The following CNTN5 variants were observed in gnomAD, a reference collection of about 807,000 sequenced individuals.
The protein encoded by CNTN5 is contactin-5.
A neutral mutation model predicts 129.1 loss-of-function variants in CNTN5; 77 were observed. That is an observed-to-expected ratio of 0.60 (90% CI 0.50 to 0.72). The LOEUF is 0.72. Ranked by LOEUF, CNTN5 falls within the 30% of genes least tolerant of loss-of-function variation. The probability of loss-of-function intolerance (pLI) is 0.00; values close to 1 mark genes in which losing one functional copy is unlikely to be tolerated. For synonymous variants in CNTN5, 509 were observed against 465.6 expected (o/e 1.09, Z -1.20); for missense variants, 1,478 against 1,328.8 (o/e 1.11, Z -1.75).
At chr11:99,557,056 A>G (rs1484937620) in intron 3 of CNTN5, among the ~76,000 whole-genome samples, 1 of 151,254 alleles carries the variant, frequency 6.6e-6, no homozygotes, top group Non-Finnish European at 1.5e-5. Context: ...TGTGGGCTAA[A>G]TTTAGGTAGT....
intron 18 of CNTN5, among the ~76,000 whole-genome samples, chr11:100,294,017 A>G (rs551921271): frequency 6.6e-6 from 1 of 151,758 alleles, no homozygotes; most frequent in Admixed American, 6.6e-5. Context: ...TTTGCTATAT[A>G]AACTCCCTCC....
At chr11:99,962,822 G>T (rs1377422784) in intron 8 of CNTN5, among the ~76,000 whole-genome samples, 2 of 151,712 alleles carry the variant, frequency 1.3e-5, no homozygotes, top group South Asian at 4.1e-4. Flanking sequence ...AGCACCTGTT[G>T]TTTCCTGACT....
intron 4 of CNTN5, among the ~76,000 whole-genome samples, chr11:99,842,690 A>C (rs1278929772): frequency 6.6e-6 from 1 of 152,206 alleles, no homozygotes; most frequent in African/African-American, 2.4e-5. Flanking sequence ...GTAATTCTGC[A>C]AGTTAATTCT....
At chr11:99,225,076 A>G (rs894544262) in intron 1 of CNTN5, among the ~76,000 whole-genome samples, 3 of 152,202 alleles carry the variant, frequency 2.0e-5, no homozygotes, top group Non-Finnish European at 4.4e-5. Context: ...TAAAAGTTTT[A>G]TTAGAAATGA....
intron 3 of CNTN5, among the ~76,000 whole-genome samples, chr11:99,761,534 C>T (rs1219045): frequency 0.25 from 37,521 of 150,646 alleles, 5,038 homozygotes; most frequent in Non-Finnish European, 0.32. Flanking sequence ...TTTGTTCTTG[C>T]GATAGTTTAC....
At chr11:100,196,495 T>G (rs1386528773) in intron 15 of CNTN5, among the ~76,000 whole-genome samples, 2 of 152,002 alleles carry the variant, frequency 1.3e-5, no homozygotes, top group Admixed American at 6.6e-5. Flanking sequence ...ATTGTATACA[T>G]CCACATCTAT....
At chr11:99,560,224 G>C (rs1056116530) in intron 3 of CNTN5, among the ~76,000 whole-genome samples, 1 of 151,340 alleles carries the variant, frequency 6.6e-6, no homozygotes, top group Non-Finnish European at 1.5e-5. Context: ...TAGTAGGTCA[G>C]AGGATCTGAG....
chr11:99,858,503 C>T (rs7122373), intron 6 of CNTN5, among the ~76,000 whole-genome samples: 151,908 of 151,908 alleles, frequency 1, 75,954 homozygotes, highest in Non-Finnish European at 1. Context: ...ACCTCTATTT[C>T]CTAAATTCCA....
chr11:100,312,722 G>T (rs1205400988), intron 21 of CNTN5, among the ~76,000 whole-genome samples: 1 of 151,940 alleles, frequency 6.6e-6, no homozygotes, highest in East Asian at 1.9e-4. Flanking sequence ...CACTTTTCTA[G>T]CCATAATTTT....
intron 2 of CNTN5, among the ~76,000 whole-genome samples, chr11:99,367,656 A>C (rs1939535872): frequency 6.6e-6 from 1 of 152,228 alleles, no homozygotes; most frequent in Non-Finnish European, 1.5e-5. Context: ...ATTTCTAAAG[A>C]AGCAATAAGT....
chr11:99,289,896 A>T (rs1478876896), intron 1 of CNTN5, among the ~76,000 whole-genome samples: 1 of 151,844 alleles, frequency 6.6e-6, no homozygotes, highest in Admixed American at 6.6e-5. Flanking sequence ...TTGGCTTAAC[A>T]TCTAATGTGT....
At chr11:99,762,068 G>C (rs1202810192) in intron 3 of CNTN5, among the ~76,000 whole-genome samples, 3 of 101,014 alleles carry the variant, frequency 3.0e-5, no homozygotes, top group Non-Finnish European at 4.4e-5. Flanking sequence ...GTCTTCTTTT[G>C]AGAAGTGTCT....
chr11:99,298,938 G>A (rs952321603), intron 1 of CNTN5, among the ~76,000 whole-genome samples: 7 of 152,046 alleles, frequency 4.6e-5, no homozygotes, highest in Non-Finnish European at 8.8e-5. Flanking sequence ...CCTGTGAAAA[G>A]CTCTCTTCCT....
chr11:99,175,212 C>G (rs1857714188), intron 1 of CNTN5, among the ~76,000 whole-genome samples: 1 of 151,866 alleles, frequency 6.6e-6, no homozygotes, highest in African/African-American at 2.4e-5. Context: ...CCAGCCTGGG[C>G]AACAGAATGA....
chr11:99,467,085 G>T (rs1944973841), intron 2 of CNTN5, among the ~76,000 whole-genome samples: 1 of 152,004 alleles, frequency 6.6e-6, no homozygotes, highest in Admixed American at 6.6e-5. Context: ...TAGAATTTTA[G>T]TTCAGAAATC....
chr11:99,844,828 A>G, intron 4 of CNTN5, 24 bp from the exon 5 acceptor site: 15 of 1,585,862 alleles, frequency 9.5e-6, no homozygotes, highest in Non-Finnish European at 1.1e-5. Context: ...GGAAATTTAA[A>G]ATGTGTCTGT....
chr11:100,075,208 T>G (rs542685191), intron 13 of CNTN5, among the ~76,000 whole-genome samples: 5 of 152,200 alleles, frequency 3.3e-5, no homozygotes, highest in Non-Finnish European at 7.4e-5. Context: ...AAAAATAGAG[T>G]ATTTTTGTTT....
chr11:99,240,888 T>C (rs542590841), intron 1 of CNTN5, among the ~76,000 whole-genome samples: 1 of 152,328 alleles, frequency 6.6e-6, no homozygotes, highest in African/African-American at 2.4e-5. Flanking sequence ...ACTGTGTTAA[T>C]GTCAGGGTTT....
chr11:100,148,962 C>A (rs77068525), intron 13 of CNTN5, among the ~76,000 whole-genome samples: 2,110 of 151,976 alleles, frequency 0.014, 23 homozygotes, highest in Admixed American at 0.024. Context: ...ACTTGATGAA[C>A]ATATTAGTCG....
Sources: gnomAD v4.1 joint callset for allele counts (sites outside exome capture counted in the v4.1 genomes callset) on GRCh38, gnomAD v4.1.1 for gene constraint, MANE v1.5 for transcripts, NCBI Gene and HGNC (gene_info 2026-07-23, HGNC 2026-07-21) for gene names.